The following CTNNA3 variants were observed in gnomAD, a reference collection of about 807,000 sequenced individuals.
The protein encoded by CTNNA3 is catenin alpha-3.
A neutral mutation model predicts 95.7 loss-of-function variants in CTNNA3; 76 were observed. The ratio of observed to expected loss-of-function variants is 0.79; its 90% CI spans 0.66 to 0.96. The LOEUF (loss-of-function observed/expected upper bound fraction) is 0.96, where lower values mean the gene tolerates loss of function less well. Ranked by LOEUF, CTNNA3 falls within the 40% of genes least tolerant of loss-of-function variation. CTNNA3 has a pLI of 0.00. For missense variants in CTNNA3, 1,191 were observed against 1,089.8 expected, an observed-to-expected ratio of 1.09 and a Z score of -1.31; for synonymous variants, 431 against 374.4, an observed-to-expected ratio of 1.15 and a Z score of -1.74.
chr10:67,118,169 T>C (rs1030909181), intron 7 of CTNNA3, among the ~76,000 whole-genome samples: 1 of 151,998 alleles, frequency 6.6e-6, no homozygotes, highest in Non-Finnish European at 1.5e-5. Context: ...GAATAAAGAA[T>C]AATGCAAAAG....
chr10:67,378,859 A>G (rs909623078), intron 5 of CTNNA3, among the ~76,000 whole-genome samples: 1 of 152,218 alleles, frequency 6.6e-6, no homozygotes, highest in African/African-American at 2.4e-5. Context: ...ATAATAAGTA[A>G]CATATAAGGG....
intron 12 of CTNNA3, among the ~76,000 whole-genome samples, chr10:66,306,193 G>A (rs1312710149): frequency 6.6e-6 from 1 of 152,230 alleles, no homozygotes; most frequent in Non-Finnish European, 1.5e-5. Flanking sequence ...AGCACAGATA[G>A]TGGACAGACC....
At chr10:67,591,512 A>C (rs1307360981) in intron 3 of CTNNA3, among the ~76,000 whole-genome samples, 2 of 152,162 alleles carry the variant, frequency 1.3e-5, no homozygotes, top group African/African-American at 4.8e-5. Context: ...AAAACATATT[A>C]AGTGGAAATT....
At chr10:66,997,863 C>T (rs921189379) in intron 7 of CTNNA3, among the ~76,000 whole-genome samples, 12 of 152,208 alleles carry the variant, frequency 7.9e-5, no homozygotes, top group Non-Finnish European at 1.3e-4. Flanking sequence ...ATCCATTCCA[C>T]TCCATCCCCA....
At chr10:66,967,690 G>A (rs1039718273) in intron 7 of CTNNA3, among the ~76,000 whole-genome samples, 6 of 151,958 alleles carry the variant, frequency 3.9e-5, no homozygotes, top group African/African-American at 1.2e-4. Flanking sequence ...AAAAATGAAC[G>A]TTCTAAAAAT....
chr10:67,713,885 T>C (rs1196845360), intron 1 of CTNNA3, among the ~76,000 whole-genome samples: 1 of 151,964 alleles, frequency 6.6e-6, no homozygotes, highest in East Asian at 1.9e-4. Flanking sequence ...CAAACCACCA[T>C]GGCACATGTA....
At chr10:67,755,819 A>AAAAAAAAAAAAAAAAAAAAG (rs1554881122) in intron 1 of CTNNA3, among the ~76,000 whole-genome samples, 3 of 145,154 alleles carry the variant, frequency 2.1e-5, no homozygotes, top group Non-Finnish European at 3.0e-5. Context: ...AAAAAAAAAA[A>AAAAAAAAAAAAAAAAAAAAG]AAAGAAAGAA....
chr10:67,099,161 A>G (rs1858184530), intron 7 of CTNNA3: 1 of 151,838 alleles, frequency 6.6e-6, no homozygotes, highest in African/African-American at 2.4e-5. Flanking sequence ...ACCAGCCCAG[A>G]TCATATATTG....
intron 11 of CTNNA3, among the ~76,000 whole-genome samples, chr10:66,399,472 A>G (rs2093003584): frequency 6.6e-6 from 1 of 151,996 alleles, no homozygotes; most frequent in Non-Finnish European, 1.5e-5. Flanking sequence ...ATGCGTGCAT[A>G]TGGCACCCTA....
chr10:67,438,403 T>C (rs1048576293), intron 5 of CTNNA3, among the ~76,000 whole-genome samples: 1 of 152,158 alleles, frequency 6.6e-6, no homozygotes, highest in African/African-American at 2.4e-5. Flanking sequence ...ATAGACCTTA[T>C]TGGCCTCAGC....
At chr10:66,427,100 A>G (rs1490405485) in intron 11 of CTNNA3, among the ~76,000 whole-genome samples, 2 of 151,840 alleles carry the variant, frequency 1.3e-5, no homozygotes, top group African/African-American at 4.8e-5. Flanking sequence ...TTGATTTTCT[A>G]TCAAGGACTT....
At chr10:67,291,908 G>A (rs954840359) in intron 5 of CTNNA3, among the ~76,000 whole-genome samples, 28 of 152,128 alleles carry the variant, frequency 1.8e-4, no homozygotes, top group Non-Finnish European at 3.8e-4. Flanking sequence ...GTGTACATGA[G>A]AGCCTTCAGA....
chr10:66,840,376 A>T lies in CTNNA3; in HGVS notation c.1048-64852T>A, dbSNP rs201813766. On this transcript the variant is annotated intron_variant, in intron 7 of 17. Coordinates refer to ENST00000433211, the MANE Select transcript of CTNNA3 (RefSeq NM_013266.4). ...CTCTCTCTCTCTCTCTCTCTCTCAC[A>T]CACACACACACACACACACACACAC... is the stretch of plus-strand genomic sequence containing the variant. Among the ~76,000 whole-genome samples, 712 of 83,150 alleles carry T rather than the reference A, an allele frequency of 8.6e-3. 2 individuals are homozygous for T. The highest frequency in any genetic ancestry group is 0.034 in the East Asian group (68 of 1,982). The allele number at this position is 83,150 out of a possible 152,430, so 54.5% of individuals were successfully genotyped here. A position where few individuals can be genotyped will look rare whatever the true frequency, so the allele number is the denominator to read the frequency against.
At chr10:67,523,563 A>C (rs1840048279) in intron 4 of CTNNA3, among the ~76,000 whole-genome samples, 1 of 152,196 alleles carries the variant, frequency 6.6e-6, no homozygotes, top group Non-Finnish European at 1.5e-5. Context: ...AGAGAGATAA[A>C]GGTAACATTG....
At chr10:66,914,454 A>G (rs1429228441) in intron 7 of CTNNA3, among the ~76,000 whole-genome samples, 1 of 151,944 alleles carries the variant, frequency 6.6e-6, no homozygotes, top group African/African-American at 2.4e-5. Context: ...TTAACCGTAG[A>G]GAAACGCCTC....
chr10:66,544,972 G>A, intron 10 of CTNNA3, among the ~76,000 whole-genome samples: 1 of 151,970 alleles, frequency 6.6e-6, no homozygotes, highest in East Asian at 1.9e-4. Flanking sequence ...TGAAAGATGA[G>A]GACTGTTGTT....
chr10:67,622,260 GCTTATCAGTCTGCATCAC>G (rs1211934974), intron 2 of CTNNA3, among the ~76,000 whole-genome samples: 1 of 152,106 alleles, frequency 6.6e-6, no homozygotes, highest in Admixed American at 6.6e-5. Flanking sequence ...GTGTATCTTG[GCTTATCAGTCTGCATCAC>G]CTGGCTGCCC....
At chr10:67,344,354 T>C (rs1407597095) in intron 5 of CTNNA3, among the ~76,000 whole-genome samples, 1 of 152,054 alleles carries the variant, frequency 6.6e-6, no homozygotes, top group African/African-American at 2.4e-5. Flanking sequence ...AGGGTACCAC[T>C]GGCCTCAAAG....
chr10:66,165,778 T>C (rs2085096951), intron 13 of CTNNA3, among the ~76,000 whole-genome samples: 1 of 151,860 alleles, frequency 6.6e-6, no homozygotes. Flanking sequence ...TTATTATTAT[T>C]ATTATTTTGA....
Sources: gnomAD v4.1 joint callset for allele counts (sites outside exome capture counted in the v4.1 genomes callset) on GRCh38, gnomAD v4.1.1 for gene constraint, MANE v1.5 for transcripts, NCBI Gene and HGNC (gene_info 2026-07-23, HGNC 2026-07-21) for gene names.